Variants in SNTG2 observed in about 807,000 individuals in gnomAD.
SNTG2 encodes the protein gamma-2-syntrophin.
A neutral mutation model predicts 70.9 loss-of-function variants in SNTG2; 74 were observed. That is an observed-to-expected ratio of 1.04 (90% confidence interval 0.86 to 1.27). The LOEUF is 1.27. Ranked by LOEUF, SNTG2 falls within the 50% of genes most tolerant of loss-of-function variation. The probability of loss-of-function intolerance (pLI) is 0.00; values close to 1 mark genes in which losing one functional copy is unlikely to be tolerated. For synonymous variants in SNTG2, 278 were observed against 273.8 expected, an observed-to-expected ratio of 1.02 and a Z score of -0.15; for missense variants, 717 against 690.7, an observed-to-expected ratio of 1.04 and a Z score of -0.43.
At chr2:1,314,682 C>G (rs1462280126) in intron 15 of SNTG2, among the ~76,000 whole-genome samples, 2 of 152,200 alleles carry the variant, frequency 1.3e-5, no homozygotes, top group African/African-American at 2.4e-5. Context: ...GGATATTAGT[C>G]CATTCTCATA....
At chr2:1,264,152 A>T (rs528851736) in intron 13 of SNTG2, among the ~76,000 whole-genome samples, 3 of 152,262 alleles carry the variant, frequency 2.0e-5, no homozygotes, top group Non-Finnish European at 4.4e-5. Context: ...TCGTGAATTC[A>T]TACAATATAT....
chr2:1,249,296 T>G (rs1677622509), intron 12 of SNTG2, among the ~76,000 whole-genome samples: 1 of 152,210 alleles, frequency 6.6e-6, no homozygotes, highest in Non-Finnish European at 1.5e-5. Flanking sequence ...AGCAACACAT[T>G]GAACAGACAC....
At chr2:1,214,122 G>A (rs552702875) in intron 9 of SNTG2, among the ~76,000 whole-genome samples, 2 of 152,106 alleles carry the variant, frequency 1.3e-5, no homozygotes, top group African/African-American at 4.8e-5. Context: ...CTGTGTTTAT[G>A]CTTGTGCCTT....
Position 1,267,467 on chromosome 2 carries a change from G to T in SNTG2, c.1180G>T (p.Gly394Cys). The change falls in exon 14 of 17, where the codon GGC becomes TGC. Residue 394 changes from glycine (G) to cysteine (C), a missense_variant. Transcript: ENST00000308624. ...QRPYCFSIVAGHGKSHVFNVE... is the reference protein window; with the variant it reads ...QRPYCFSIVACHGKSHVFNVE... ...GCCCTATTGCTTCAGCATCGTGGCCGGCCATGGGAAGAGCCATGTTTTCAA... is the reference window on the plus strand; with the variant it reads ...GCCCTATTGCTTCAGCATCGTGGCCTGCCATGGGAAGAGCCATGTTTTCAA... The T allele has an allele frequency of 6.2e-7, 1 of 1,613,828 alleles. No individual in the cohort carries two copies. Among genetic ancestry groups the T allele is most frequent in the Non-Finnish European group, 8.5e-7 (1 of 1,179,838 alleles).
intron 1 of SNTG2, among the ~76,000 whole-genome samples, chr2:1,057,637 C>T (rs73166567): frequency 0.011 from 1,737 of 152,252 alleles, 32 homozygotes; most frequent in African/African-American, 0.039. Flanking sequence ...GTCTGTTTTT[C>T]CCAGTCCACT....
In SNTG2 at chr2:1,173,083, T is replaced by C; in HGVS notation, c.500-9T>C. The C allele has an allele frequency of 6.2e-7, 1 of 1,613,190 alleles. No homozygotes were observed. The highest frequency in any genetic ancestry group is 1.3e-5 in the African/African-American group (1 of 74,996). On this transcript the variant is annotated splice_polypyrimidine_tract_variant and intron_variant, in intron 7 of 16. Coordinates refer to ENST00000308624, the MANE Select transcript of SNTG2 (RefSeq NM_018968.4). Reference sequence around the variant, plus strand: ...CCAATTGGAAGGGACTTCTCTTGTTTTGCTGCAGGGTCCCCAGGGCCATCC... The same window carrying C: ...CCAATTGGAAGGGACTTCTCTTGTTCTGCTGCAGGGTCCCCAGGGCCATCC...
chr2:1,108,932 A>T (rs1384425166), intron 4 of SNTG2, among the ~76,000 whole-genome samples: 1 of 15,782 alleles, frequency 6.3e-5, no homozygotes, highest in African/African-American at 1.6e-4. Flanking sequence ...GTAAGAGTGG[A>T]CACGTGCTGT....
intron 4 of SNTG2, among the ~76,000 whole-genome samples, chr2:1,115,474 G>C (rs575049046): frequency 6.6e-6 from 1 of 151,568 alleles, no homozygotes; most frequent in Non-Finnish European, 1.5e-5. Context: ...GAGGAGGATC[G>C]TGTGTACTAA....
chr2:1,101,196 A>G (rs1665759566), intron 4 of SNTG2, among the ~76,000 whole-genome samples: 1 of 152,130 alleles, frequency 6.6e-6, no homozygotes, highest in African/African-American at 2.4e-5. Flanking sequence ...TTTCCCACCC[A>G]GAGCCTGCCT....
intron 1 of SNTG2, among the ~76,000 whole-genome samples, chr2:1,041,288 G>A (rs892606112): frequency 2.6e-5 from 4 of 152,182 alleles, no homozygotes; most frequent in African/African-American, 9.7e-5. Context: ...AGGAAACTTT[G>A]CTAAGCCCCA....
At chr2:1,348,127 C>T (rs74568643) in intron 16 of SNTG2, among the ~76,000 whole-genome samples, 1,759 of 152,312 alleles carry the variant, frequency 0.012, 37 homozygotes, top group African/African-American at 0.04. Flanking sequence ...TTTAGGTTGA[C>T]ATTCCTATGG....
intron 1 of SNTG2, among the ~76,000 whole-genome samples, chr2:1,032,467 T>C (rs1471133774): frequency 2.6e-5 from 4 of 152,002 alleles, no homozygotes; most frequent in African/African-American, 9.7e-5. Flanking sequence ...TATAAACAGG[T>C]ATAGGCAAGG....
At chr2:1,053,543 T>C (rs574845410) in intron 1 of SNTG2, among the ~76,000 whole-genome samples, 1 of 137,172 alleles carries the variant, frequency 7.3e-6, no homozygotes, top group Admixed American at 8.1e-5. Context: ...CACGGAGACG[T>C]AATTGTTTCC....
chr2:1,338,483 T>C (rs1377282129), intron 16 of SNTG2, among the ~76,000 whole-genome samples: 2 of 152,216 alleles, frequency 1.3e-5, no homozygotes, highest in African/African-American at 4.8e-5. Context: ...AATTTCTTTT[T>C]CAGATTATTC....
At chr2:1,120,933 T>C (rs1332375645) in intron 4 of SNTG2, among the ~76,000 whole-genome samples, 1 of 152,042 alleles carries the variant, frequency 6.6e-6, no homozygotes, top group Non-Finnish European at 1.5e-5. Flanking sequence ...GAACTTTCCA[T>C]GCAATAGCAG....
At chr2:1,178,396 T>A (rs1252587211) in intron 8 of SNTG2, among the ~76,000 whole-genome samples, 3 of 152,198 alleles carry the variant, frequency 2.0e-5, no homozygotes, top group African/African-American at 7.2e-5. Flanking sequence ...TCAAAGGGAA[T>A]GCTTCCAGTT....
chr2:1,046,172 T>G lies in SNTG2; in HGVS notation c.73-37346T>G, dbSNP rs573500219. Among the ~76,000 whole-genome samples, 181 of 152,252 alleles carry G rather than the reference T, an allele frequency of 1.2e-3. 1 individual carries two copies. Among genetic ancestry groups the G allele is most frequent in the Admixed American group, 2.0e-3 (30 of 15,288 alleles). On this transcript the variant is annotated intron_variant, in intron 1 of 16. Coordinates refer to ENST00000308624, the MANE Select transcript of SNTG2 (RefSeq NM_018968.4). ...ATTGTTTTTTAAAGTCTGCTTTGTC[T>G]GAAATAAGAATAGAAAACCCTGCTG...
intron 6 of SNTG2, among the ~76,000 whole-genome samples, chr2:1,145,501 T>A (rs1043857789): frequency 6.6e-6 from 1 of 152,186 alleles, no homozygotes; most frequent in Non-Finnish European, 1.5e-5. Context: ...CTGCAAAAAC[T>A]TACACAATAA....
At chr2:1,137,508 A>C in intron 4 of SNTG2, 114 bp from the exon 5 acceptor site, 1 of 1,079,202 alleles carries the variant, frequency 9.3e-7, no homozygotes, top group Non-Finnish European at 1.4e-6. Flanking sequence ...ACATGCACAC[A>C]CACACACACG....
Sources: allele counts gnomAD v4.1 joint callset (sites outside exome capture counted in the v4.1 genomes callset), GRCh38; gene constraint gnomAD v4.1.1; transcripts MANE v1.5; gene names NCBI Gene and HGNC (gene_info 2026-07-23, HGNC 2026-07-21).